NGEF: variants seen among roughly 807,000 people sequenced by gnomAD.
NGEF encodes neuronal guanine nucleotide exchange factor.
Under a neutral mutation model 80.9 loss-of-function variants are expected in NGEF, and 31 were observed. That is an observed-to-expected ratio of 0.38 (90% confidence interval 0.29 to 0.52). The LOEUF is 0.52. Ranked by LOEUF, NGEF falls within the 20% of genes least tolerant of loss-of-function variation. NGEF has a pLI of 0.84. For missense variants in NGEF, 709 were observed against 926.2 expected, an observed-to-expected ratio of 0.77 and a Z score of 3.04; for synonymous variants, 371 against 370.2, an observed-to-expected ratio of 1.00 and a Z score of -0.03.
At position 232,903,436 on chromosome 2, in the gene NGEF, G is replaced by GCACACACA. The variant is rs35757997; in HGVS notation, c.829-8528_829-8521dup. 2.0e-5 allele frequency among the ~76,000 whole-genome samples: 3 copies of GCACACACA among 148,800 alleles called. No individual in the cohort carries two copies. The East Asian group carries it at 5.9e-4, about 29-fold the overall frequency. ...TAGTTTACATTTGTGTGACATGAGG[G>GCACACACA]CACACACACACACACACACACACAC... On this transcript the variant is annotated intron_variant, in intron 5 of 14. Transcript: ENST00000264051.
intron 5 of NGEF, among the ~76,000 whole-genome samples, chr2:232,903,025 G>A (rs754059682): frequency 1.5e-4 from 18 of 119,610 alleles, no homozygotes; most frequent in Non-Finnish European, 2.2e-4. Context: ...AACAAAAAAT[G>A]TTTAATCTAG....
intron 4 of NGEF, among the ~76,000 whole-genome samples, chr2:232,925,337 G>C (rs1025597385): frequency 6.6e-6 from 1 of 152,226 alleles, no homozygotes; most frequent in Non-Finnish European, 1.5e-5. Flanking sequence ...GAAGAGGGCG[G>C]GGGCAGCCCT....
intron 1 of NGEF, among the ~76,000 whole-genome samples, chr2:232,987,015 CTCTT>C (rs1277151910): frequency 2.6e-5 from 4 of 151,974 alleles, no homozygotes; most frequent in East Asian, 1.9e-4. Flanking sequence ...CAGAGCAGGA[CTCTT>C]TCTTTCTTTT....
intron 1 of NGEF, among the ~76,000 whole-genome samples, chr2:232,982,367 A>C (rs574957620): frequency 8.5e-5 from 13 of 152,154 alleles, no homozygotes; most frequent in Non-Finnish European, 1.8e-4. Flanking sequence ...AGGGGGCAGG[A>C]AGATGGGGCT....
chr2:232,944,751 A>C lies in NGEF; in HGVS notation c.384-17565T>G. On this transcript the variant is annotated intron_variant, in intron 3 of 14. Transcript: ENST00000264051. ...AATATATATATATATATATATATATATATATATATATCTTTTTGGAGATGG... is the reference window on the plus strand; with the variant it reads ...AATATATATATATATATATATATATCTATATATATATCTTTTTGGAGATGG... Among the ~76,000 whole-genome samples, 2 of 100,740 alleles carry C rather than the reference A, an allele frequency of 2.0e-5. 1 individual carries two copies. The highest frequency in any genetic ancestry group is 6.9e-4 in the East Asian group (2 of 2,908). 66.1% of individuals were successfully genotyped at this position (100,740 alleles called of 152,430 possible).
chr2:232,953,967 T>C lies in NGEF; in HGVS notation c.383+16247A>G, dbSNP rs116487217. 1.0e-3 allele frequency among the ~76,000 whole-genome samples: 158 copies of C among 152,328 alleles called. 1 individual carries two copies. The highest frequency in any genetic ancestry group is 1.9e-3 in the Non-Finnish European group (128 of 68,036). On this transcript the variant is annotated intron_variant, in intron 3 of 14. Transcript: ENST00000264051. The stretch of plus-strand genomic sequence containing the variant: ...TCATAAATGAATGACACCTCAAGTT[T>C]GCAGGGGTGAAGCATTTGCCAAAAA...
In NGEF at chr2:232,974,977, T is replaced by C. The variant is rs1175211840; in HGVS notation, c.-74-13A>G. 5.1e-6 allele frequency: 7 copies of C among 1,366,992 alleles called. No individual in the cohort carries two copies. Among genetic ancestry groups the C allele is most frequent in the African/African-American group, 1.5e-5 (1 of 68,644 alleles). 84.7% of individuals were successfully genotyped at this position (1,366,992 alleles called of 1,614,324 possible). On this transcript the variant is annotated splice_polypyrimidine_tract_variant and intron_variant, in intron 1 of 14. Transcript: ENST00000264051. ...ACTGGTTTGAGTGCTTTAGAATAGA[T>C]AGAAAACAATTTTCAGTTAGTCATC...
rs543470913 is a variant in NGEF, at chr2:232,912,632, A to G, written c.828+7652T>C. ...TGGTACAATTCACCATTGTAAACTT[A>G]TGGGCCTACAGATGGCATATTTTGA... On this transcript the variant is annotated intron_variant, in intron 5 of 14. Coordinates refer to ENST00000264051, the MANE Select transcript of NGEF (RefSeq NM_019850.3). 2.6e-5 allele frequency among the ~76,000 whole-genome samples: 4 copies of G among 152,310 alleles called. No homozygotes were observed. In the East Asian group the frequency reaches 7.7e-4, roughly 29 times the overall value.
chr2:232,969,074 A>T (rs1328227563), intron 3 of NGEF, among the ~76,000 whole-genome samples: 2 of 152,246 alleles, frequency 1.3e-5, no homozygotes, highest in Non-Finnish European at 2.9e-5. Flanking sequence ...ATGTTTTAAA[A>T]TAAGCAGCTG....
rs960844498 is a variant in NGEF at position 232,884,160 on chromosome 2, G to A, written c.1438-16C>T. On this transcript the variant is annotated splice_polypyrimidine_tract_variant and intron_variant, in intron 10 of 14. Coordinates refer to ENST00000264051, the MANE Select transcript of NGEF (RefSeq NM_019850.3). ...TGGGCACCGACTGCAGCGGGGAAAG[G>A]GCATCAGGCAGGCTGTGCCCACAAT... is the stretch of plus-strand genomic sequence containing the variant. 1.9e-6 allele frequency: 3 copies of A among 1,574,790 alleles called. No individual in the cohort carries two copies. Among genetic ancestry groups the A allele is most frequent in the Non-Finnish European group, 2.6e-6 (3 of 1,164,878 alleles).
At chr2:232,993,175 TAAATAAA>T (rs1559238357) in intron 1 of NGEF, among the ~76,000 whole-genome samples, 7 of 133,764 alleles carry the variant, frequency 5.2e-5, no homozygotes, top group Non-Finnish European at 1.1e-4. Flanking sequence ...ATTATATATA[TAAATAAA>T]TATATATATT....
At chr2:232,921,852 T>C (rs763681760) in intron 4 of NGEF, among the ~76,000 whole-genome samples, 2 of 152,150 alleles carry the variant, frequency 1.3e-5, no homozygotes, top group Non-Finnish European at 2.9e-5. Context: ...GGACGGAGGC[T>C]TGCACTGAAG....
chr2:232,943,650 T>A (rs28445679), intron 3 of NGEF, among the ~76,000 whole-genome samples: 2 of 150,744 alleles, frequency 1.3e-5, no homozygotes, highest in Non-Finnish European at 2.9e-5. Context: ...CGCCCGCCAC[T>A]AGACCCGACT....
chr2:232,891,220 A>C, intron 8 of NGEF, 138 bp downstream of exon 8: 1 of 1,181,498 alleles, frequency 8.5e-7, no homozygotes, highest in Non-Finnish European at 1.2e-6. Context: ...CTCACTGCCC[A>C]GGAACGTGCT....
intron 5 of NGEF, 41 bp from the exon 6 acceptor site, chr2:232,894,957 C>T (rs1233137578): frequency 1.3e-6 from 2 of 1,524,780 alleles, no homozygotes; most frequent in East Asian, 2.3e-5. Flanking sequence ...TGAAGTTGGC[C>T]TTCCACGAAG....
chr2:232,943,546 A>T (rs547387700), intron 3 of NGEF, among the ~76,000 whole-genome samples: 1,384 of 122,182 alleles, frequency 0.011, 16 homozygotes, highest in Non-Finnish European at 0.018. Flanking sequence ...CCCAGGCTGG[A>T]GTGCAGTGGC....
At chr2:232,950,626 C>G (rs1396977044) in intron 3 of NGEF, among the ~76,000 whole-genome samples, 1 of 152,220 alleles carries the variant, frequency 6.6e-6, no homozygotes, top group Non-Finnish European at 1.5e-5. Context: ...CCAGAAAAGG[C>G]TACCAAAGGG....
intron 1 of NGEF, among the ~76,000 whole-genome samples, chr2:232,980,418 T>C (rs866033225): frequency 6.6e-6 from 1 of 152,214 alleles, no homozygotes; most frequent in East Asian, 1.9e-4. Context: ...CTCATCCAAG[T>C]GCAGACATCA....
intron 3 of NGEF, among the ~76,000 whole-genome samples, chr2:232,951,560 G>C (rs535274894): frequency 2.6e-5 from 4 of 152,162 alleles, no homozygotes; most frequent in Admixed American, 1.3e-4. Flanking sequence ...TTGCGTGACC[G>C]GCAGTGTCAG....
Sources: gnomAD v4.1 joint callset for allele counts (sites outside exome capture counted in the v4.1 genomes callset) on GRCh38, gnomAD v4.1.1 for gene constraint, MANE v1.5 for transcripts, NCBI Gene and HGNC (gene_info 2026-07-23, HGNC 2026-07-21) for gene names.